SLC25A48: variants seen among roughly 807,000 people sequenced by gnomAD.
SLC25A48 encodes solute carrier family 25 member 48.
SLC25A48 carries 29 observed loss-of-function variants against 32.2 expected under a neutral mutation model. The observed-to-expected ratio is 0.90, with a 90% CI of 0.67 to 1.23. SLC25A48 has a LOEUF of 1.23. SLC25A48 is among the 50% of genes most tolerant of loss of function. SLC25A48 has a pLI of 0.00. For missense variants in SLC25A48, 399 were observed against 422.7 expected, an observed-to-expected ratio of 0.94 and a Z score of 0.49; for synonymous variants, 164 against 172.3, an observed-to-expected ratio of 0.95 and a Z score of 0.38.
At chr5:135,785,220 C>A (rs896600574) in intron 3 of SLC25A48, among the ~76,000 whole-genome samples, 1 of 152,106 alleles carries the variant, frequency 6.6e-6, no homozygotes, top group Non-Finnish European at 1.5e-5. Flanking sequence ...GTTCACCCCC[C>A]TTGTCCCATA....
intron 4 of SLC25A48, among the ~76,000 whole-genome samples, chr5:135,855,922 G>A (rs1156757932): frequency 6.6e-6 from 1 of 152,206 alleles, no homozygotes; most frequent in Non-Finnish European, 1.5e-5. Context: ...GTTGTGCGAT[G>A]TAGCAATTTC....
chr5:135,653,305 A>G (rs1263659352), intron 3 of SLC25A48, among the ~76,000 whole-genome samples: 1 of 152,230 alleles, frequency 6.6e-6, no homozygotes, highest in African/African-American at 2.4e-5. Context: ...CCACGGGATG[A>G]TTGGATTGCA....
At chr5:135,726,583 T>C (rs150444043) in intron 3 of SLC25A48, among the ~76,000 whole-genome samples, 5 of 152,350 alleles carry the variant, frequency 3.3e-5, no homozygotes, top group Middle Eastern at 6.8e-3. Context: ...ACTCTTTGGA[T>C]TGGCTTTTCT....
chr5:135,738,555 A>G (rs1755431456), intron 3 of SLC25A48, among the ~76,000 whole-genome samples: 1 of 152,296 alleles, frequency 6.6e-6, no homozygotes, highest in East Asian at 1.9e-4. Context: ...TGAGGAGGAT[A>G]GGTGAAGACT....
intron 2 of SLC25A48, among the ~76,000 whole-genome samples, chr5:135,633,207 T>C (rs1273292008): frequency 3.3e-5 from 5 of 152,248 alleles, no homozygotes; most frequent in Middle Eastern, 3.4e-3. Flanking sequence ...ACAGACACAA[T>C]GCCCATGAGA....
intron 4 of SLC25A48, among the ~76,000 whole-genome samples, chr5:135,855,677 C>T (rs1192786822): frequency 6.6e-6 from 1 of 152,206 alleles, no homozygotes; most frequent in Admixed American, 6.5e-5. Context: ...AAGCACTAAG[C>T]CAAGCATGGT....
At chr5:135,769,870 A>T (rs1046828208) in intron 3 of SLC25A48, among the ~76,000 whole-genome samples, 3 of 151,598 alleles carry the variant, frequency 2.0e-5, no homozygotes, top group Admixed American at 6.6e-5. Flanking sequence ...AGGGGAAAGG[A>T]TAATATTACT....
rs370199495 is a variant in SLC25A48 at position 135,713,002 on chromosome 5, A to G, written c.-521+78046A>G. Among the ~76,000 whole-genome samples the G allele has an allele frequency of 2.6e-5, 4 of 152,330 alleles. No homozygotes were observed. The South Asian group carries it at 8.3e-4, about 32-fold the overall frequency. On this transcript the variant is annotated intron_variant, in intron 3 of 10. Transcript: ENST00000646290. ...ATCCATCCTATGTTCCCCTTCTGCCAAATTCTGCAATCAGCTGATCTGATA... is the reference window on the plus strand; with the variant it reads ...ATCCATCCTATGTTCCCCTTCTGCCGAATTCTGCAATCAGCTGATCTGATA...
chr5:135,585,034 C>T (rs147483970), intron 1 of SLC25A48, among the ~76,000 whole-genome samples: 153 of 152,344 alleles, frequency 1.0e-3, no homozygotes, highest in African/African-American at 3.4e-3. Context: ...ACTGAGCAGA[C>T]GCTGGCGATG....
intron 2 of SLC25A48, among the ~76,000 whole-genome samples, chr5:135,847,624 A>G (rs1759528534): frequency 6.6e-6 from 1 of 152,124 alleles, no homozygotes; most frequent in Non-Finnish European, 1.5e-5. Flanking sequence ...AGGTGGAGAG[A>G]GATTTAGATT....
chr5:135,762,365 G>T lies in SLC25A48; in HGVS notation c.-520-50158G>T, dbSNP rs77304398. Among the ~76,000 whole-genome samples, 773 of 152,286 alleles carry T rather than the reference G, an allele frequency of 5.1e-3. 7 individuals carry two copies. Among genetic ancestry groups the T allele is most frequent in the African/African-American group, 0.018 (733 of 41,548 alleles). ...GCAGAGGCACACATCGTGCTGGAAG[G>T]ACTGAGGACAGGAGAGGAGCTGGCA... On this transcript the variant is annotated intron_variant, in intron 3 of 10. Coordinates refer to the SLC25A48 transcript ENST00000646290.
intron 3 of SLC25A48, among the ~76,000 whole-genome samples, chr5:135,638,406 T>TA (rs1554117964): frequency 3.8e-4 from 58 of 151,974 alleles, no homozygotes; most frequent in Non-Finnish European, 6.6e-4. Flanking sequence ...ATTTGGTAGG[T>TA]GGGGGAGGGG....
At chr5:135,781,279 A>T (rs1344752879) in intron 3 of SLC25A48, among the ~76,000 whole-genome samples, 1 of 116,096 alleles carries the variant, frequency 8.6e-6, no homozygotes, top group African/African-American at 2.6e-5. Context: ...TATTGCAGAA[A>T]GTGTACTCCC....
At chr5:135,801,527 G>A (rs1461521018) in intron 3 of SLC25A48, among the ~76,000 whole-genome samples, 1 of 150,718 alleles carries the variant, frequency 6.6e-6, no homozygotes, top group African/African-American at 2.4e-5. Flanking sequence ...ATATTCAGTG[G>A]GGGAAGAAGA....
chr5:135,647,173 C>A (rs1267416627), intron 3 of SLC25A48, among the ~76,000 whole-genome samples: 1 of 152,028 alleles, frequency 6.6e-6, no homozygotes, highest in Non-Finnish European at 1.5e-5. Flanking sequence ...TAGAAATAAA[C>A]AAATAAATGA....
chr5:135,693,688 G>A (rs1240338386), intron 3 of SLC25A48, among the ~76,000 whole-genome samples: 1 of 152,230 alleles, frequency 6.6e-6, no homozygotes, highest in Non-Finnish European at 1.5e-5. Flanking sequence ...GAATGGAATT[G>A]ACACCAGAGT....
chr5:135,696,018 C>CA (rs1397674326), intron 3 of SLC25A48, among the ~76,000 whole-genome samples: 2 of 152,238 alleles, frequency 1.3e-5, no homozygotes, highest in East Asian at 3.8e-4. Context: ...TCCTGCTGCA[C>CA]ACTGACCTCT....
chr5:135,634,737 TCCAA>T (rs1390573787), intron 2 of SLC25A48: 3 of 152,246 alleles, frequency 2.0e-5, no homozygotes, highest in African/African-American at 7.2e-5. Context: ...AAGACAGAGC[TCCAA>T]TGGCTTCCTC....
Position 135,604,918 on chromosome 5 carries a change from A to G in SLC25A48, c.-848-24319A>G, listed in dbSNP as rs116733490. On this transcript the variant is annotated intron_variant, in intron 1 of 10. Transcript: ENST00000646290. ...CGTTTCCACCTGTAAGTGGGTAATA[A>G]TAACACTCATCTCATAGGCCTGTGG... is the stretch of plus-strand genomic sequence containing the variant. 8.8e-3 allele frequency among the ~76,000 whole-genome samples: 1,342 copies of G among 152,290 alleles called. 26 individuals carry two copies. Among genetic ancestry groups the G allele is most frequent in the African/African-American group, 0.031 (1,271 of 41,560 alleles).
Sources: gnomAD v4.1 joint callset for allele counts (sites outside exome capture counted in the v4.1 genomes callset) on GRCh38, gnomAD v4.1.1 for gene constraint, MANE v1.5 for transcripts, NCBI Gene and HGNC (gene_info 2026-07-23, HGNC 2026-07-21) for gene names.